Variants in ANKS1B observed in about 807,000 individuals in gnomAD.
The protein encoded by ANKS1B is ankyrin repeat and sterile alpha motif domain-containing protein 1B.
A neutral mutation model predicts 148.3 loss-of-function variants in ANKS1B; 36 were observed. The observed-to-expected ratio is 0.24, with a 90% confidence interval of 0.19 to 0.32. The LOEUF is 0.32. ANKS1B is among the 10% of genes least tolerant of loss of function. The probability of loss-of-function intolerance (pLI) is 1.00; values close to 1 mark genes in which losing one functional copy is unlikely to be tolerated. For missense variants in ANKS1B, 1,157 were observed against 1,542.6 expected, an observed-to-expected ratio of 0.75 and a Z score of 4.19; for synonymous variants, 542 against 560.8, an observed-to-expected ratio of 0.97 and a Z score of 0.47.
chr12:99,456,401 C>A (rs1309174843), intron 10 of ANKS1B, among the ~76,000 whole-genome samples: 1 of 152,108 alleles, frequency 6.6e-6, no homozygotes, highest in Non-Finnish European at 1.5e-5. Context: ...GGCTTACCAG[C>A]AATGGGTCAA....
rs146239453 is a variant in ANKS1B at position 99,587,666 on chromosome 12, G to A, written c.1272+67401C>T. Among the ~76,000 whole-genome samples, 140 of 152,252 alleles carry A rather than the reference G, an allele frequency of 9.2e-4. 1 individual carries two copies. Among genetic ancestry groups the A allele is most frequent in the African/African-American group, 3.2e-3 (135 of 41,548 alleles). On this transcript the variant is annotated intron_variant, in intron 9 of 26. Coordinates refer to ENST00000683438, the MANE Select transcript of ANKS1B (RefSeq NM_001352186.2). ...AATGCTGTGTTCTCACTTCATAAGG[G>A]TAGATGGTACTGCCTCAATACAATT...
chr12:99,920,763 G>A (rs1157992379), intron 1 of ANKS1B, among the ~76,000 whole-genome samples: 1 of 152,132 alleles, frequency 6.6e-6, no homozygotes, highest in Non-Finnish European at 1.5e-5. Flanking sequence ...GGCAGGAGAA[G>A]ATGTCCCAGC....
chr12:99,445,368 TAGGTTAAGCACTG>T (rs2095619561), intron 10 of ANKS1B, among the ~76,000 whole-genome samples: 1 of 152,022 alleles, frequency 6.6e-6, no homozygotes, highest in African/African-American at 2.4e-5. Flanking sequence ...TAGGGATGAA[TAGGTTAAGCACTG>T]AGGATTTTCA....
chr12:98,791,171 C>G (rs142465041), intron 22 of ANKS1B, among the ~76,000 whole-genome samples: 75 of 152,096 alleles, frequency 4.9e-4, no homozygotes, highest in African/African-American at 1.7e-3. Flanking sequence ...ATGGTGAAAC[C>G]CTGTCTCTAC....
At chr12:99,502,162 T>C (rs2096662054) in intron 10 of ANKS1B, among the ~76,000 whole-genome samples, 1 of 152,156 alleles carries the variant, frequency 6.6e-6, no homozygotes, top group African/African-American at 2.4e-5. Context: ...GATATTCCCC[T>C]ACCCTCTGTG....
At chr12:99,915,582 G>A (rs960072300) in intron 1 of ANKS1B, among the ~76,000 whole-genome samples, 2 of 152,146 alleles carry the variant, frequency 1.3e-5, no homozygotes, top group Admixed American at 6.5e-5. Context: ...CAGAAGCAAG[G>A]TGAATGCACG....
intron 7 of ANKS1B, among the ~76,000 whole-genome samples, chr12:99,774,787 A>G (rs2063503039): frequency 6.6e-6 from 1 of 151,568 alleles, no homozygotes; most frequent in Admixed American, 6.6e-5. Flanking sequence ...ATACATTTAT[A>G]TACACACTAC....
chr12:98,769,879 G>C (rs1313391575), intron 25 of ANKS1B, among the ~76,000 whole-genome samples: 1 of 152,176 alleles, frequency 6.6e-6, no homozygotes, highest in East Asian at 1.9e-4. Flanking sequence ...ACGGTCTAGA[G>C]GCAGCAAGCT....
chr12:99,763,930 G>A (rs574177878), intron 8 of ANKS1B, among the ~76,000 whole-genome samples: 4 of 152,230 alleles, frequency 2.6e-5, no homozygotes, highest in Non-Finnish European at 4.4e-5. Context: ...AGATCCTAGC[G>A]ATATATTGTG....
chr12:99,339,188 G>A (rs2089488535), intron 12 of ANKS1B, among the ~76,000 whole-genome samples: 1 of 152,200 alleles, frequency 6.6e-6, no homozygotes, highest in Non-Finnish European at 1.5e-5. Flanking sequence ...GGGCTAGCCA[G>A]AACTTGGGTT....
At chr12:98,842,423 A>G (rs1376939399) in intron 17 of ANKS1B, among the ~76,000 whole-genome samples, 2 of 152,224 alleles carry the variant, frequency 1.3e-5, no homozygotes, top group Non-Finnish European at 2.9e-5. Flanking sequence ...TGGAGTAGGA[A>G]TAGGAGCAGG....
intron 16 of ANKS1B, among the ~76,000 whole-genome samples, chr12:99,064,189 A>G (rs541949671): frequency 4.1e-4 from 63 of 152,232 alleles, no homozygotes; most frequent in Non-Finnish European, 7.9e-4. Context: ...TTTTTGGGAA[A>G]TAAAGGGAAA....
At chr12:99,150,854 G>A (rs1396978197) in intron 15 of ANKS1B, among the ~76,000 whole-genome samples, 2 of 151,882 alleles carry the variant, frequency 1.3e-5, no homozygotes, top group Non-Finnish European at 2.9e-5. Context: ...CAAGCAGGAG[G>A]GAGGTGATGA....
intron 14 of ANKS1B, among the ~76,000 whole-genome samples, chr12:99,168,907 C>T (rs619826): frequency 0.84 from 127,527 of 152,230 alleles, 53,886 homozygotes; most frequent in East Asian, 0.99. Context: ...GTCATAACTG[C>T]ATTAAAATAA....
At chr12:99,632,768 T>TATATATA (rs1282777183) in intron 9 of ANKS1B, among the ~76,000 whole-genome samples, 246 of 100,166 alleles carry the variant, frequency 2.5e-3, no homozygotes, top group Non-Finnish European at 3.3e-3. Flanking sequence ...TATATATATA[T>TATATATA]TTTAATTATA....
intron 1 of ANKS1B, among the ~76,000 whole-genome samples, chr12:99,930,192 T>A (rs1191973286): frequency 1.3e-5 from 2 of 151,656 alleles, no homozygotes; most frequent in African/African-American, 4.9e-5. Flanking sequence ...GGTTTGTAGT[T>A]CTCCTTGAAG....
intron 12 of ANKS1B, among the ~76,000 whole-genome samples, chr12:99,250,898 T>TTATGAATTTATGAATTTATG (rs1482265461): frequency 2.1e-4 from 32 of 152,278 alleles, no homozygotes; most frequent in Admixed American, 1.8e-3. Context: ...CCAGGTAGCT[T>TTATGAATTTATGAATTTATG]ACAAACAACA....
intron 1 of ANKS1B, among the ~76,000 whole-genome samples, chr12:99,873,671 G>A (rs1256271372): frequency 6.6e-6 from 1 of 152,072 alleles, no homozygotes; most frequent in East Asian, 1.9e-4. Context: ...TTATTGTGAT[G>A]GTTAATTTTA....
intron 9 of ANKS1B, among the ~76,000 whole-genome samples, chr12:99,563,038 C>T (rs940885309): frequency 1.3e-5 from 2 of 152,176 alleles, no homozygotes; most frequent in East Asian, 3.9e-4. Flanking sequence ...GCTTCTTCAC[C>T]TTTCTCAGCC....
Sources: allele counts gnomAD v4.1 joint callset (sites outside exome capture counted in the v4.1 genomes callset), GRCh38; gene constraint gnomAD v4.1.1; transcripts MANE v1.5; gene names NCBI Gene and HGNC (gene_info 2026-07-23, HGNC 2026-07-21).